Variants in SIN3B observed in about 807,000 individuals in gnomAD.
SIN3B encodes SIN3 transcription regulator family member B, also known as paired amphipathic helix protein Sin3b.
In SIN3B, 19 loss-of-function variants were observed where a neutral mutation model predicts 120.2. That is an observed-to-expected ratio of 0.16 (90% CI 0.11 to 0.23). The LOEUF (loss-of-function observed/expected upper bound fraction) is 0.23, where lower values mean the gene tolerates loss of function less well. SIN3B is among the 10% of genes least tolerant of loss of function. SIN3B has a pLI of 1.00. For missense variants in SIN3B, 1,073 were observed against 1,573.0 expected (o/e 0.68, Z 5.38); for synonymous variants, 654 against 653.2 (o/e 1.00, Z -0.02).
intron 14 of SIN3B, among the ~76,000 whole-genome samples, chr19:16,873,029 T>C (rs1293638829): frequency 6.6e-6 from 1 of 151,936 alleles, no homozygotes; most frequent in Non-Finnish European, 1.5e-5. Flanking sequence ...ATGGCAACTT[T>C]CCGTTTCCTG....
intron 3 of SIN3B, among the ~76,000 whole-genome samples, chr19:16,835,417 T>C (rs1445652522): frequency 6.7e-6 from 1 of 149,830 alleles, no homozygotes; most frequent in African/African-American, 2.5e-5. Flanking sequence ...TTAGTAGAGA[T>C]GGGATTTCAC....
At chr19:16,861,933 T>G (rs1568421127) in intron 8 of SIN3B, among the ~76,000 whole-genome samples, 1 of 152,082 alleles carries the variant, frequency 6.6e-6, no homozygotes, top group Non-Finnish European at 1.5e-5. Context: ...AGACACTATC[T>G]CTAAAAAGAA....
intron 14 of SIN3B, among the ~76,000 whole-genome samples, chr19:16,872,939 G>A (rs908986214): frequency 2.0e-5 from 3 of 152,188 alleles, no homozygotes; most frequent in Admixed American, 6.5e-5. Context: ...GCGGTGCCCC[G>A]TGGGTGTGTC....
At chr19:16,830,962 C>T (rs950449410) in intron 2 of SIN3B, among the ~76,000 whole-genome samples, 3 of 151,940 alleles carry the variant, frequency 2.0e-5, no homozygotes, top group African/African-American at 7.2e-5. Context: ...GGGAGCTGAG[C>T]GATGTCAGTA....
chr19:16,871,254 C>T lies in SIN3B; in HGVS notation c.2448C>T (p.Tyr816=), dbSNP rs781213449. 1.2e-6 allele frequency: 2 copies of T among 1,614,204 alleles called. No individual in the cohort carries two copies. The highest frequency in any genetic ancestry group is 1.7e-6 in the Non-Finnish European group (2 of 1,180,024). ...GTGAAGTGGAGCTGGAGGAGTACTA[C>T]CCGGCCTTCCTGGACATGGTGCGGA... ...QPSEVELEEY[Y]PAFLDMVRSL... is the part of the protein sequence containing the mutation. Residue 816 remains tyrosine (Y), a synonymous_variant, in exon 14 of 19, where the codon TAC becomes TAT. Coordinates refer to ENST00000248054, the MANE Select transcript of SIN3B (RefSeq NM_001297595.2).
intron 11 of SIN3B, 54 bp from the exon 12 acceptor site, chr19:16,866,319 T>A: frequency 6.5e-7 from 1 of 1,546,882 alleles, no homozygotes; most frequent in Non-Finnish European, 8.8e-7. Context: ...CCTGGGATGC[T>A]TCAGGGAGGA....
rs1345052082 is a variant in SIN3B, at chr19:16,862,785, G to A, written c.1266+226G>A. 7 of 1,065,426 alleles carry A rather than the reference G, an allele frequency of 6.6e-6. No homozygotes were observed. The highest frequency in any genetic ancestry group is 3.1e-5 in the African/African-American group (2 of 64,466). 66.0% of individuals were successfully genotyped at this position (1,065,426 alleles called of 1,614,324 possible). ...CAAAACACAGAGTGCCAGGGATAACGTGGAGTTCGGCTTATTCATCTGTTA... is the reference window on the plus strand; with the variant it reads ...CAAAACACAGAGTGCCAGGGATAACATGGAGTTCGGCTTATTCATCTGTTA... On this transcript the variant is annotated intron_variant, in intron 9 of 18. Coordinates refer to ENST00000248054, the MANE Select transcript of SIN3B (RefSeq NM_001297595.2). This position sits in a 1 kb window ranked among gnomAD's most constrained non-coding sequence, Gnocchi z 4.7.
intron 4 of SIN3B, among the ~76,000 whole-genome samples, chr19:16,845,008 C>G (rs1971462603): frequency 6.6e-6 from 1 of 152,204 alleles, no homozygotes. Context: ...GGAGCAGTTT[C>G]TGCATTCACC....
rs10528185 is a variant in SIN3B at position 16,832,191 on chromosome 19, C to CTTTTTT, written c.381+562_381+567dup. ...TTCTTGGGTGATAGGTGCTGGCCCT[C>CTTTTTT]TTTTTTTTTTTTTTTTTTTTTTTGG... On this transcript the variant is annotated intron_variant, in intron 3 of 18. Transcript: ENST00000248054. 2.7e-3 allele frequency among the ~76,000 whole-genome samples: 343 copies of CTTTTTT among 125,342 alleles called. 2 individuals carry two copies. The highest frequency in any genetic ancestry group is 4.5e-3 in the Non-Finnish European group (269 of 59,754). 82.2% of individuals were successfully genotyped at this position (125,342 alleles called of 152,430 possible). A position where few individuals can be genotyped will look rare whatever the true frequency, so the allele number is the denominator to read the frequency against.
chr19:16,877,546 A>G lies in SIN3B; in HGVS notation c.2861A>G (p.His954Arg). The G allele has an allele frequency of 6.2e-7, 1 of 1,605,824 alleles. No homozygotes were observed. Among genetic ancestry groups the G allele is most frequent in the Non-Finnish European group, 8.5e-7 (1 of 1,176,652 alleles). The change falls in exon 17 of 19, where the codon CAC becomes CGC. Residue 954 changes from histidine to arginine, a missense_variant and splice_region_variant. Around this residue, in one of 7 missense-constraint regions of SIN3B, gnomAD observed 311 missense variants for 400.3 expected, o/e 0.78. Transcript: ENST00000248054. ...AQTEDPVEVQ[H>R]LARYVEQYVG... ...GGCTGTGTCTCTCCCTGTCCCCAGC[A>G]CCTGGCTCGGTACGTGGAGCAGTAT...
At chr19:16,851,209 G>A (rs1394394964) in intron 5 of SIN3B, among the ~76,000 whole-genome samples, 1 of 152,140 alleles carries the variant, frequency 6.6e-6, no homozygotes, top group Non-Finnish European at 1.5e-5. Flanking sequence ...CAGCCTGGCA[G>A]TGTTAGTCTG....
intron 4 of SIN3B, among the ~76,000 whole-genome samples, chr19:16,845,593 C>T (rs1483223214): frequency 6.6e-6 from 1 of 152,120 alleles, no homozygotes; most frequent in Non-Finnish European, 1.5e-5. Context: ...TGTTTGAGAG[C>T]ACCTGCTCCC....
At chr19:16,840,742 T>A (rs1971406814) in intron 3 of SIN3B, among the ~76,000 whole-genome samples, 1 of 152,192 alleles carries the variant, frequency 6.6e-6, no homozygotes, top group East Asian at 1.9e-4. Context: ...TGGGTGAAGC[T>A]CACTCTGTTT....
chr19:16,876,112 GAGA>G lies in SIN3B; in HGVS notation c.2656_2658del (p.Lys886del), dbSNP rs1568428352. The G allele has an allele frequency of 1.9e-6, 3 of 1,600,758 alleles. No homozygotes were observed. The highest frequency in any genetic ancestry group is 1.3e-5 in the African/African-American group (1 of 74,864). On this transcript the variant is annotated inframe_deletion, in exon 15 of 19. Transcript: ENST00000248054. The surrounding 1 kb of genome is among the most constrained non-coding windows in gnomAD (Gnocchi z 7.1). Reference sequence around the variant, plus strand: ...GAAGGTGGTGGAGCTCTACCTGAACGAGAAGAAGCGGGGTGCCGCTGGTGGGAA... The same window carrying G: ...GAAGGTGGTGGAGCTCTACCTGAACGAGAAGCGGGGTGCCGCTGGTGGGAA...
chr19:16,876,154 T>A lies in SIN3B; in HGVS notation c.2692T>A (p.Cys898Ser). The change falls in exon 15 of 19, where the codon TGC (cysteine) becomes AGC (serine). Residue 898 changes from cysteine to serine, a missense_variant. Physicochemically the swap from Cys to Ser is moderately radical, Grantham distance 112. Transcript: ENST00000248054. This position sits in a 1 kb window ranked among gnomAD's most constrained non-coding sequence, Gnocchi z 7.1. Reference protein sequence around the residue: ...GAAGGNLSSRCVRAARETSYQ... With the variant: ...GAAGGNLSSRSVRAARETSYQ... ...CGCTGGTGGGAACCTGTCCTCCCGC[T>A]GCGTCCGCGCTGCTAGGGAGACCAG... 1 of 1,612,690 alleles carries A rather than the reference T, an allele frequency of 6.2e-7. No homozygotes were observed. Among genetic ancestry groups the A allele is most frequent in the Non-Finnish European group, 8.5e-7 (1 of 1,179,824 alleles).
chr19:16,847,166 G>C, intron 5 of SIN3B, 53 bp downstream of exon 5: 1 of 1,567,612 alleles, frequency 6.4e-7, no homozygotes. Context: ...AGGACGGAGG[G>C]CCCCAGCCAG....
chr19:16,841,619 C>T lies in SIN3B; in HGVS notation c.382-149C>T. On this transcript the variant is annotated intron_variant, in intron 3 of 18. Transcript: ENST00000248054. ...GCACCCCGCCCTGCTTGCCTCCAGG[C>T]TCTCAGAAGTAACCTTTCCCTGTCT... 5 of 705,666 alleles carry T rather than the reference C, an allele frequency of 7.1e-6. No individual in the cohort carries two copies. The South Asian group carries it at 9.2e-5, about 13-fold the overall frequency. 43.7% of individuals were successfully genotyped at this position (705,666 alleles called of 1,614,324 possible). A position where few individuals can be genotyped will look rare whatever the true frequency, so the allele number is the denominator to read the frequency against.
rs2051479188 is a variant in SIN3B at position 16,869,619 on chromosome 19, C to T, written c.1966C>T (p.His656Tyr). Reference sequence around the variant, plus strand: ...CCAGAAGGAGGACCAGGGCACCATCCACCAGCTGCTGCACCAGTTCGTGCC... The same window carrying T: ...CCAGAAGGAGGACCAGGGCACCATCTACCAGCTGCTGCACCAGTTCGTGCC... ...AIQKEDQGTIHQLLHQFVPSL... is the reference protein window; with the variant it reads ...AIQKEDQGTIYQLLHQFVPSL... The change falls in exon 13 of 19, where the codon CAC becomes TAC. Residue 656 changes from histidine to tyrosine, a missense_variant. By Grantham distance (83) the His-to-Tyr change is moderately conservative. Coordinates refer to ENST00000248054, the MANE Select transcript of SIN3B (RefSeq NM_001297595.2). 6.2e-7 allele frequency: 1 copy of T among 1,613,512 alleles called. No individual in the cohort carries two copies. Among genetic ancestry groups the T allele is most frequent in the Non-Finnish European group, 8.5e-7 (1 of 1,180,044 alleles).
intron 5 of SIN3B, 55 bp from the exon 6 acceptor site, chr19:16,851,357 G>T: frequency 6.6e-7 from 1 of 1,510,590 alleles, no homozygotes; most frequent in South Asian, 1.3e-5. Context: ...GCATGCTCAG[G>T]TGCATGGGTC....
Sources: gnomAD v4.1 joint callset for allele counts (sites outside exome capture counted in the v4.1 genomes callset) on GRCh38, gnomAD v4.1.1 for gene constraint, gnomAD v4.1.1 regional missense constraint, Gnocchi (gnomAD v3.1) non-coding constraint, MANE v1.5 for transcripts, NCBI Gene and HGNC (gene_info 2026-07-23, HGNC 2026-07-21) for gene names.